HEMK2: variants seen among roughly 807,000 people sequenced by gnomAD.
HEMK2 encodes the protein HemK methyltransferase 2, ETF1 glutamine and histone H4 lysine.
At chr21:28,792,998 C>T in the HEMK2 span, among the ~76,000 whole-genome samples, 1 of 152,168 alleles carries the variant, frequency 6.6e-6, no homozygotes, top group Non-Finnish European at 1.5e-5. Flanking sequence ...TTTATAATTA[C>T]CACCTTAGCC....
At chr21:28,822,709 T>C in the HEMK2 span, among the ~76,000 whole-genome samples, 1 of 152,164 alleles carries the variant, frequency 6.6e-6, no homozygotes, top group African/African-American at 2.4e-5. Context: ...CTGAAGGTTA[T>C]ATTTAATTAT....
chr21:28,745,421 G>A, the HEMK2 span, among the ~76,000 whole-genome samples: 1 of 152,174 alleles, frequency 6.6e-6, no homozygotes, highest in African/African-American at 2.4e-5. Context: ...ATTGTTCCAG[G>A]AGTTTACTGC....
the HEMK2 span, among the ~76,000 whole-genome samples, chr21:28,603,795 A>G: frequency 1.6e-4 from 25 of 152,156 alleles, no homozygotes; most frequent in African/African-American, 6.0e-4. Context: ...TCTGCCTTGC[A>G]ATAAATGAAC....
the HEMK2 span, among the ~76,000 whole-genome samples, chr21:28,759,653 C>T: frequency 1.3e-5 from 2 of 152,076 alleles, no homozygotes; most frequent in African/African-American, 4.8e-5. Context: ...GTGGGAAGGA[C>T]CCAATGGGAG....
the HEMK2 span, among the ~76,000 whole-genome samples, chr21:28,698,068 A>G: frequency 6.6e-6 from 1 of 152,216 alleles, no homozygotes; most frequent in Non-Finnish European, 1.5e-5. Flanking sequence ...GATCTCACTC[A>G]TGAAGGTTCA....
chr21:28,593,178 C>A, the HEMK2 span, among the ~76,000 whole-genome samples: 7,810 of 152,134 alleles, frequency 0.051, 400 homozygotes, highest in African/African-American at 0.13. Flanking sequence ...GCCTAGGTGA[C>A]AGAGCAAGAC....
At chr21:28,862,375 C>T in the HEMK2 span, among the ~76,000 whole-genome samples, 1 of 120,846 alleles carries the variant, frequency 8.3e-6, no homozygotes, top group Non-Finnish European at 1.7e-5. Context: ...CGCGGTGGGT[C>T]ATGCCTGTAA....
the HEMK2 span, among the ~76,000 whole-genome samples, chr21:28,867,736 A>G: frequency 4.6e-5 from 7 of 152,206 alleles, no homozygotes; most frequent in Non-Finnish European, 7.3e-5. Context: ...GGCCTCCCAC[A>G]GTGCAGGGAT....
the HEMK2 span, among the ~76,000 whole-genome samples, chr21:28,647,321 T>TA: frequency 0.17 from 8,067 of 46,294 alleles, 757 homozygotes; most frequent in East Asian, 0.27. Context: ...CCATCTCTAC[T>TA]AAAAAAAAAA....
the HEMK2 span, among the ~76,000 whole-genome samples, chr21:28,588,272 G>GCT: frequency 1.3e-5 from 2 of 152,268 alleles, no homozygotes; most frequent in East Asian, 3.9e-4. Flanking sequence ...CAAGCTTCTT[G>GCT]CTCTACCCAT....
the HEMK2 span, among the ~76,000 whole-genome samples, chr21:28,861,741 A>G: frequency 4.1e-4 from 63 of 152,336 alleles, no homozygotes; most frequent in African/African-American, 1.5e-3. Flanking sequence ...AAAGTTCTCC[A>G]GAAGGCCATG....
At chr21:28,821,990 T>C in the HEMK2 span, among the ~76,000 whole-genome samples, 1 of 152,178 alleles carries the variant, frequency 6.6e-6, no homozygotes. Flanking sequence ...GACCAAAAAG[T>C]GAGATAAACA....
the HEMK2 span, among the ~76,000 whole-genome samples, chr21:28,748,916 T>G: frequency 6.6e-6 from 1 of 152,212 alleles, no homozygotes; most frequent in Non-Finnish European, 1.5e-5. Flanking sequence ...TGACCCATAT[T>G]TGAGCAAATT....
chr21:28,621,756 G>A, the HEMK2 span, among the ~76,000 whole-genome samples: 23 of 152,254 alleles, frequency 1.5e-4, no homozygotes, highest in South Asian at 4.6e-3. Context: ...TTAGGTTGGG[G>A]CAGAAATAAA....
chr21:28,582,324 T>C, the HEMK2 span, among the ~76,000 whole-genome samples: 3 of 152,202 alleles, frequency 2.0e-5, no homozygotes, highest in East Asian at 5.8e-4. Flanking sequence ...AGAAGGGATA[T>C]ATTAATATCA....
the HEMK2 span, among the ~76,000 whole-genome samples, chr21:28,783,943 G>A: frequency 6.6e-5 from 10 of 152,226 alleles, no homozygotes; most frequent in African/African-American, 2.4e-4. Flanking sequence ...GGCAATGCCA[G>A]CCTGCCGGCG....
chr21:28,772,740 C>T, the HEMK2 span, among the ~76,000 whole-genome samples: 1 of 152,162 alleles, frequency 6.6e-6, no homozygotes. Flanking sequence ...CTGTTCCTGA[C>T]TCCCACATCA....
the HEMK2 span, among the ~76,000 whole-genome samples, chr21:28,840,983 T>C: frequency 2.6e-5 from 3 of 117,338 alleles, no homozygotes; most frequent in Non-Finnish European, 5.0e-5. Flanking sequence ...ATAAAGACAC[T>C]GTGATAGATA....
the HEMK2 span, among the ~76,000 whole-genome samples, chr21:28,615,428 A>C: frequency 6.7e-6 from 1 of 148,702 alleles, no homozygotes. Context: ...CTTCCCCACA[A>C]ACCCCCACCT....
Sources: allele counts gnomAD v4.1 joint callset (sites outside exome capture counted in the v4.1 genomes callset), GRCh38; gene constraint gnomAD v4.1.1; transcripts MANE v1.5; gene names NCBI Gene and HGNC (gene_info 2026-07-23, HGNC 2026-07-21).